The following CSPG5 variants were observed in gnomAD, a reference collection of about 807,000 sequenced individuals.
CSPG5 encodes the protein acidic leucine-rich EGF-like domain-containing brain protein.
In CSPG5, 25 loss-of-function variants were observed where a neutral mutation model predicts 39.8. That is an observed-to-expected ratio of 0.63 (90% confidence interval 0.46 to 0.88). CSPG5 has a LOEUF of 0.88. Among genes scored for constraint, CSPG5 ranks in the 40% least tolerant of loss-of-function variants. CSPG5 has a pLI of 0.00. For missense variants in CSPG5, 627 were observed against 702.2 expected (o/e 0.89, Z 1.21); for synonymous variants, 295 against 303.9 (o/e 0.97, Z 0.31).
rs1423959834 is a variant in CSPG5, at chr3:47,577,990, C to T, written c.98-62G>A. ...GGCGCGCTGAGGAGCCCTGGAGCCC[C>T]GGCCCGCCCCGGTCAGGCCCGCTCG... On this transcript the variant is annotated intron_variant, in intron 1 of 4. Transcript: ENST00000264723. The surrounding 1 kb of genome is among the most constrained non-coding windows in gnomAD (Gnocchi z 4.7). 1.5e-6 allele frequency: 2 copies of T among 1,363,508 alleles called. No individual in the cohort carries two copies. Among genetic ancestry groups the T allele is most frequent in the African/African-American group, 1.5e-5 (1 of 64,838 alleles). The allele number at this position is 1,363,508 out of a possible 1,614,324, so 84.5% of individuals were successfully genotyped here. A position where few individuals can be genotyped will look rare whatever the true frequency, so the allele number is the denominator to read the frequency against.
rs2031809301 is a variant in CSPG5, at chr3:47,577,562, G to A, written c.464C>T (p.Pro155Leu). The A allele has an allele frequency of 6.2e-7, 1 of 1,610,678 alleles. No individual in the cohort carries two copies. The highest frequency in any genetic ancestry group is 8.5e-7 in the Non-Finnish European group (1 of 1,179,122). ...EATEASGPPS[P>L]TPGDKLSPAS... is the part of the protein sequence containing the mutation. Reference sequence around the variant, plus strand: ...TGGGCTCAGCTTGTCGCCGGGGGTGGGGGAGGGTGGCCCGCTGGCCTCTGT... The same window carrying A: ...TGGGCTCAGCTTGTCGCCGGGGGTGAGGGAGGGTGGCCCGCTGGCCTCTGT... Residue 155 changes from proline to leucine, a missense_variant, in exon 2 of 5, where the codon CCC becomes CTC. By Grantham distance (98) the Pro-to-Leu change is moderately conservative. Coordinates refer to ENST00000264723, the MANE Select transcript of CSPG5 (RefSeq NM_006574.4). The surrounding 1 kb of genome is among the most constrained non-coding windows in gnomAD (Gnocchi z 4.7).
rs1444070531 is a variant in CSPG5, at chr3:47,577,596, G to A, written c.430C>T (p.Pro144Ser). 2 of 1,611,714 alleles carry A rather than the reference G, an allele frequency of 1.2e-6. No individual in the cohort carries two copies. The highest frequency in any genetic ancestry group is 1.7e-6 in the Non-Finnish European group (2 of 1,179,676). Residue 144 changes from proline to serine, a missense_variant, in exon 2 of 5, where the codon CCT (proline) becomes TCT (serine). Pro to Ser is a moderately conservative substitution (Grantham distance 74, BLOSUM62 -1). Transcript: ENST00000264723. The surrounding 1 kb of genome is among the most constrained non-coding windows in gnomAD (Gnocchi z 4.7). ...GGCCCGCTGGCCTCTGTAGCCTCAG[G>A]AATGGCAGGGGGCATGATTGACTGC... ...LGQSIMPPAI[P>S]EATEASGPPS...
In CSPG5 at chr3:47,578,528, C is replaced by A; in HGVS notation, c.97+69G>T. 1 of 497,376 alleles carries A rather than the reference C, an allele frequency of 2.0e-6. No individual in the cohort carries two copies. The highest frequency in any genetic ancestry group is 2.9e-6 in the Non-Finnish European group (1 of 346,296). 30.8% of individuals were successfully genotyped at this position (497,376 alleles called of 1,614,324 possible). A position where few individuals can be genotyped will look rare whatever the true frequency, so the allele number is the denominator to read the frequency against. On this transcript the variant is annotated intron_variant, in intron 1 of 4. Transcript: ENST00000264723. This position sits in a 1 kb window ranked among gnomAD's most constrained non-coding sequence, Gnocchi z 6.0. ...CAGCTCACAGCTCCACCTGTCCCCG[C>A]CGCCAGCGGGACCCCTGCCCTGGGT... is the stretch of plus-strand genomic sequence containing the variant.
Position 47,577,328 on chromosome 3 carries a change from C to T in CSPG5, c.698G>A (p.Gly233Glu), listed in dbSNP as rs1359555992. 1 of 1,613,808 alleles carries T rather than the reference C, an allele frequency of 6.2e-7. No homozygotes were observed. The highest frequency in any genetic ancestry group is 8.5e-7 in the Non-Finnish European group (1 of 1,179,822). ...ADLGSFPGSPGTSENHPDTEG... is the reference protein window; with the variant it reads ...ADLGSFPGSPETSENHPDTEG... ...AGTATCAGGGTGGTTCTCTGAGGTT[C>T]CTGGTGACCCTGGGAAGCTCCCCAG... is the stretch of plus-strand genomic sequence containing the variant. The change falls in exon 2 of 5, where the codon GGA becomes GAA. Residue 233 changes from glycine to glutamate, a missense_variant. Coordinates refer to ENST00000264723, the MANE Select transcript of CSPG5 (RefSeq NM_006574.4). This position sits in a 1 kb window ranked among gnomAD's most constrained non-coding sequence, Gnocchi z 4.7.
At chr3:47,571,912 T>C (rs1394546276) in intron 3 of CSPG5, among the ~76,000 whole-genome samples, 1 of 152,218 alleles carries the variant, frequency 6.6e-6, no homozygotes, top group Non-Finnish European at 1.5e-5. Context: ...AATTTTCTCA[T>C]AGCGTATAAG....
In CSPG5 at chr3:47,577,215, A is replaced by C. The variant is rs2031783390; in HGVS notation, c.811T>G (p.Phe271Val). ...TCCTCTTCATCCAAGTCATCATAAA[A>C]GGATGTGGTGGGGTAGAAATCAGAT... ...DESDFYPTTS[F>V]YDDLDEEEEE... The change falls in exon 2 of 5, where the codon TTT (phenylalanine) becomes GTT (valine). Residue 271 changes from phenylalanine to valine, a missense_variant. By Grantham distance (50) the Phe-to-Val change is conservative. Transcript: ENST00000264723. This position sits in a 1 kb window ranked among gnomAD's most constrained non-coding sequence, Gnocchi z 4.7. 5.0e-5 allele frequency: 81 copies of C among 1,607,896 alleles called. No homozygotes were observed. Among genetic ancestry groups the C allele is most frequent in the Non-Finnish European group, 6.8e-5 (80 of 1,176,866 alleles).
Position 47,562,424 on chromosome 3 carries a change from C to A in CSPG5, c.*176G>T. The A allele has an allele frequency of 1.8e-6, 1 of 553,136 alleles. No homozygotes were observed. The highest frequency in any genetic ancestry group is 2.9e-6 in the Non-Finnish European group (1 of 340,978). The allele number at this position is 553,136 out of a possible 1,614,324, so 34.3% of individuals were successfully genotyped here. A position where few individuals can be genotyped will look rare whatever the true frequency, so the allele number is the denominator to read the frequency against. On this transcript the variant is annotated 3_prime_UTR_variant, in exon 5 of 5. Transcript: ENST00000264723. The stretch of plus-strand genomic sequence containing the variant: ...TATGCAATTCTGTTCAGTTTCTTTG[C>A]TTATTTTAAGTATTTTTTTGCCTCC...
At chr3:47,571,263 G>A (rs1224548904) in intron 3 of CSPG5, among the ~76,000 whole-genome samples, 1 of 152,202 alleles carries the variant, frequency 6.6e-6, no homozygotes, top group East Asian at 1.9e-4. Flanking sequence ...GGGAAAGAAA[G>A]AAGGCATGTG....
intron 4 of CSPG5, among the ~76,000 whole-genome samples, chr3:47,565,598 A>T (rs996802381): frequency 1.3e-5 from 2 of 152,082 alleles, no homozygotes; most frequent in Non-Finnish European, 2.9e-5. Flanking sequence ...AGAGGCAAAC[A>T]TCTATTGGAA....
intron 4 of CSPG5, among the ~76,000 whole-genome samples, chr3:47,564,241 T>G (rs1004601347): frequency 1.3e-5 from 2 of 152,242 alleles, no homozygotes; most frequent in Admixed American, 1.3e-4. Context: ...AGCCCTCGTC[T>G]GTGCTGCCTG....
intron 2 of CSPG5, 22 bp downstream of exon 2, chr3:47,576,811 C>A (rs2031756137): frequency 1.3e-6 from 2 of 1,535,054 alleles, no homozygotes; most frequent in Non-Finnish European, 1.8e-6. Flanking sequence ...TGTCCCTATG[C>A]ACCTGCCTGC....
Position 47,562,562 on chromosome 3 carries a change from C to G in CSPG5, c.*38G>C, listed in dbSNP as rs777044170. ...GAGATAATGTTTCTTCCCCTACCCC[C>G]CACCCACTACCCCCGCTTCCTCTCT... is the stretch of plus-strand genomic sequence containing the variant. On this transcript the variant is annotated 3_prime_UTR_variant, in exon 5 of 5. Coordinates refer to ENST00000264723, the MANE Select transcript of CSPG5 (RefSeq NM_006574.4). The G allele has an allele frequency of 2.6e-6, 4 of 1,560,330 alleles. No individual in the cohort carries two copies. The highest frequency in any genetic ancestry group is 2.3e-5 in the South Asian group (2 of 87,978).
At chr3:47,579,036 G>C (rs1014766680), upstream of CSPG5, 2 of 156,500 alleles carry the variant, frequency 1.3e-5, no homozygotes, top group South Asian at 2.0e-4. The surrounding 1 kb of genome is among the most constrained non-coding windows in gnomAD (Gnocchi z 4.2). Flanking sequence ...GGGAGTGCGG[G>C]GCAGGCGGAC....
At chr3:47,576,653 T>C (rs2031748520) in intron 2 of CSPG5, among the ~76,000 whole-genome samples, 180 bp downstream of exon 2, 1 of 151,920 alleles carries the variant, frequency 6.6e-6, no homozygotes, top group Non-Finnish European at 1.5e-5. Flanking sequence ...AGAGATGGGG[T>C]TTCACCAACT....
intron 4 of CSPG5, among the ~76,000 whole-genome samples, chr3:47,566,319 G>T (rs941052983): frequency 6.6e-6 from 1 of 152,272 alleles, no homozygotes; most frequent in Admixed American, 6.5e-5. Flanking sequence ...GGACTCCGGC[G>T]CCCCCTTGTC....
Position 47,572,093 on chromosome 3 carries a change from C to T in CSPG5, c.1382+593G>A, listed in dbSNP as rs1201323750. Reference sequence around the variant, plus strand: ...TTAACCCTAGTTCTCCCCACATATTCTACTCAGGAGAGGTAAAGAGGATTT... The same window carrying T: ...TTAACCCTAGTTCTCCCCACATATTTTACTCAGGAGAGGTAAAGAGGATTT... On this transcript the variant is annotated intron_variant, in intron 3 of 4. Transcript: ENST00000264723. This position sits in a 1 kb window ranked among gnomAD's most constrained non-coding sequence, Gnocchi z 4.5. 2.0e-5 allele frequency among the ~76,000 whole-genome samples: 3 copies of T among 152,186 alleles called. No individual in the cohort carries two copies. The highest frequency in any genetic ancestry group is 7.2e-5 in the African/African-American group (3 of 41,454).
chr3:47,576,873 C>T lies in CSPG5; in HGVS notation c.1153G>A (p.Gly385Ser). 6.3e-7 allele frequency: 1 copy of T among 1,586,350 alleles called. No individual in the cohort carries two copies. The highest frequency in any genetic ancestry group is 8.6e-7 in the Non-Finnish European group (1 of 1,164,100). ...DLFPSYCHNG[G>S]QCYLVENIGA... is the part of the protein sequence containing the mutation. ...ATGTTCTCCACCAGGTAGCACTGGC[C>T]GCCATTGTGACAGTAACTTGGGAAG... Residue 385 changes from glycine (G) to serine (S), a missense_variant, in exon 2 of 5, where the codon GGC (glycine) becomes AGC (serine). Coordinates refer to ENST00000264723, the MANE Select transcript of CSPG5 (RefSeq NM_006574.4).
intron 4 of CSPG5, 85 bp from the exon 5 acceptor site, chr3:47,562,846 G>A: frequency 3.7e-6 from 5 of 1,352,188 alleles, no homozygotes; most frequent in African/African-American, 1.5e-5. Flanking sequence ...CTGGTTGAAG[G>A]AAGCATCACT....
intron 2 of CSPG5, 93 bp downstream of exon 2, chr3:47,576,740 G>T: frequency 5.7e-6 from 8 of 1,404,538 alleles, no homozygotes; most frequent in Non-Finnish European, 7.7e-6. Flanking sequence ...GATTACAGGC[G>T]TGAGCCAACG....
Sources: allele counts gnomAD v4.1 joint callset (sites outside exome capture counted in the v4.1 genomes callset), GRCh38; gene constraint gnomAD v4.1.1; non-coding constraint Gnocchi (gnomAD v3.1); transcripts MANE v1.5; gene names NCBI Gene and HGNC (gene_info 2026-07-23, HGNC 2026-07-21).